The following BRI3BP variants were observed in gnomAD, a reference collection of about 807,000 sequenced individuals.
BRI3BP encodes the protein BRI3 binding protein, also known as BRI3-binding protein.
A neutral mutation model predicts 15.8 loss-of-function variants in BRI3BP; 7 were observed. That is an observed-to-expected ratio of 0.44 (90% CI 0.25 to 0.83). BRI3BP has a LOEUF of 0.83. BRI3BP is among the 40% of genes least tolerant of loss of function. BRI3BP has a pLI of 0.20. For missense variants in BRI3BP, 320 were observed against 339.3 expected (o/e 0.94, Z 0.45); for synonymous variants, 192 against 163.5 (o/e 1.17, Z -1.33).
chr12:125,037,526 G>T, the BRI3BP span, among the ~76,000 whole-genome samples: 1 of 151,906 alleles, frequency 6.6e-6, no homozygotes, highest in African/African-American at 2.4e-5. Flanking sequence ...AAACTGGTGC[G>T]TGTGGCCAGG....
At chr12:125,009,193 C>G (rs951453282) in intron 1 of BRI3BP, among the ~76,000 whole-genome samples, 1 of 151,040 alleles carries the variant, frequency 6.6e-6, no homozygotes, top group South Asian at 2.1e-4. Flanking sequence ...GTTAGTCAGG[C>G]TGGTCTCAAA....
At chr12:125,018,805 G>C (rs545109545) in intron 2 of BRI3BP, among the ~76,000 whole-genome samples, 2 of 151,182 alleles carry the variant, frequency 1.3e-5, no homozygotes, top group African/African-American at 2.4e-5. Flanking sequence ...TCAGCCTCCC[G>C]AGTGGCTGAG....
intron 1 of BRI3BP, among the ~76,000 whole-genome samples, chr12:125,006,353 A>C (rs1955143682): frequency 6.6e-6 from 1 of 152,194 alleles, no homozygotes; most frequent in South Asian, 2.1e-4. Context: ...CAAATGGTTC[A>C]ACGGCAAGAG....
At chr12:125,049,609 T>C in the BRI3BP span, among the ~76,000 whole-genome samples, 645 of 152,218 alleles carry the variant, frequency 4.2e-3, 1 homozygote, top group Middle Eastern at 0.02. Context: ...GCACTGGCCT[T>C]GGTCGAAGGG....
chr12:125,048,324 G>T, the BRI3BP span, among the ~76,000 whole-genome samples: 1 of 152,128 alleles, frequency 6.6e-6, no homozygotes, highest in Non-Finnish European at 1.5e-5. Context: ...CAGCTCATCA[G>T]ATCTCACCCC....
chr12:125,033,251 G>C (rs969280036), downstream of BRI3BP, among the ~76,000 whole-genome samples: 1 of 152,128 alleles, frequency 6.6e-6, no homozygotes, highest in Admixed American at 6.5e-5. Flanking sequence ...TTTGGGCTGG[G>C]TGTAGTGTCT....
chr12:125,045,347 C>T, the BRI3BP span, among the ~76,000 whole-genome samples: 1 of 151,258 alleles, frequency 6.6e-6, no homozygotes, highest in African/African-American at 2.4e-5. Flanking sequence ...ATGTTTTCTT[C>T]TTTTTTTTTG....
the BRI3BP span, among the ~76,000 whole-genome samples, chr12:125,037,787 G>A: frequency 6.6e-6 from 1 of 151,038 alleles, no homozygotes; most frequent in Non-Finnish European, 1.5e-5. Context: ...ACTCCAGCCT[G>A]GGCAACAGAG....
chr12:125,016,566 C>G (rs1314399083), intron 2 of BRI3BP, among the ~76,000 whole-genome samples: 1 of 151,794 alleles, frequency 6.6e-6, no homozygotes, highest in Non-Finnish European at 1.5e-5. Context: ...CACTCTATTG[C>G]CCAAGCTGAA....
chr12:125,012,336 C>A (rs1289060606), intron 1 of BRI3BP, among the ~76,000 whole-genome samples, 198 bp from the exon 2 acceptor site: 1 of 152,182 alleles, frequency 6.6e-6, no homozygotes, highest in Non-Finnish European at 1.5e-5. Flanking sequence ...GGGTCGTTTT[C>A]ACCAGTTTTT....
rs202217077 is a variant in BRI3BP, at chr12:125,012,559, T to C, written c.239T>C (p.Phe80Ser). 3.1e-5 allele frequency: 50 copies of C among 1,612,510 alleles called. No homozygotes were observed. Among genetic ancestry groups the C allele is most frequent in the Non-Finnish European group, 4.0e-5 (47 of 1,178,580 alleles). The change falls in exon 2 of 3, where the codon TTT (phenylalanine) becomes TCT (serine). Residue 80 changes from phenylalanine to serine, a missense_variant. Phe to Ser is a radical substitution (Grantham distance 155). Coordinates refer to ENST00000341446, the MANE Select transcript of BRI3BP (RefSeq NM_080626.6). ...QKFLARLTER[F>S]VLGVDMFVET... is the part of the protein sequence containing the mutation. The stretch of plus-strand genomic sequence containing the variant: ...TTCTTGGCCAGGCTGACTGAGAGAT[T>C]TGTGCTGGGAGTGGATATGTTCGTG...
At chr12:125,014,288 G>A (rs1482302559) in intron 2 of BRI3BP, among the ~76,000 whole-genome samples, 1 of 152,208 alleles carries the variant, frequency 6.6e-6, no homozygotes, top group Admixed American at 6.5e-5. Context: ...CAGCCCCACC[G>A]CCCTGGTCCC....
the BRI3BP span, among the ~76,000 whole-genome samples, chr12:125,037,552 C>T: frequency 6.7e-6 from 1 of 150,288 alleles, no homozygotes; most frequent in African/African-American, 2.4e-5. Context: ...TGGCTCACGC[C>T]TGTAATCCCG....
chr12:125,018,486 A>C (rs189007495), intron 2 of BRI3BP, among the ~76,000 whole-genome samples: 1 of 152,156 alleles, frequency 6.6e-6, no homozygotes, highest in East Asian at 1.9e-4. Flanking sequence ...GGAGAAGGCC[A>C]CGTGAAGGCA....
chr12:124,996,480 C>T (rs75281597), intron 1 of BRI3BP, among the ~76,000 whole-genome samples: 3,390 of 151,860 alleles, frequency 0.022, 127 homozygotes, highest in African/African-American at 0.075. Context: ...AGCACCACCA[C>T]ATCCGGCTAA....
chr12:125,012,717 G>A lies in BRI3BP; in HGVS notation c.316+81G>A. On this transcript the variant is annotated intron_variant, in intron 2 of 2. Transcript: ENST00000341446. ...AGTGTGGAACTGGTACTCACAGTGA[G>A]TAATACATGAGAAGGTTGCGGAGGG... 3 of 1,100,674 alleles carry A rather than the reference G, an allele frequency of 2.7e-6. No individual in the cohort carries two copies. In the South Asian group the frequency reaches 3.7e-5, roughly 14 times the overall value. 68.2% of individuals were successfully genotyped at this position (1,100,674 alleles called of 1,614,324 possible).
intron 2 of BRI3BP, among the ~76,000 whole-genome samples, chr12:125,021,258 C>T (rs149749385): frequency 8.5e-4 from 129 of 152,292 alleles, no homozygotes; most frequent in African/African-American, 3.1e-3. Flanking sequence ...TAGACACTGG[C>T]CAGCTGTGCG....
At chr12:125,045,619 G>A in the BRI3BP span, among the ~76,000 whole-genome samples, 5 of 152,186 alleles carry the variant, frequency 3.3e-5, no homozygotes, top group African/African-American at 1.2e-4. Context: ...GGCGTGAACC[G>A]CCCCGCCTGG....
chr12:125,011,012 T>C (rs552673292), intron 1 of BRI3BP, among the ~76,000 whole-genome samples: 1 of 148,958 alleles, frequency 6.7e-6, no homozygotes, highest in African/African-American at 2.5e-5. Flanking sequence ...GAGGATTGCT[T>C]GAACTTGGGA....
Sources: gnomAD v4.1 joint callset for allele counts (sites outside exome capture counted in the v4.1 genomes callset) on GRCh38, gnomAD v4.1.1 for gene constraint, MANE v1.5 for transcripts, NCBI Gene and HGNC (gene_info 2026-07-23, HGNC 2026-07-21) for gene names.